PRRC2B: variants seen among roughly 807,000 people sequenced by gnomAD.
PRRC2B encodes protein PRRC2B.
PRRC2B carries 68 observed loss-of-function variants against 242.3 expected under a neutral mutation model. The observed-to-expected ratio is 0.28, with a 90% CI of 0.23 to 0.34. PRRC2B has a LOEUF of 0.34. Among genes scored for constraint, PRRC2B ranks in the 10% least tolerant of loss-of-function variants. The probability of loss-of-function intolerance (pLI) is 1.00; values close to 1 mark genes in which losing one functional copy is unlikely to be tolerated. For missense variants in PRRC2B, 2,835 were observed against 2,954.8 expected (o/e 0.96, Z 0.94); for synonymous variants, 1,228 against 1,173.6 (o/e 1.05, Z -0.95).
intron 1 of PRRC2B, among the ~76,000 whole-genome samples, chr9:131,375,205 A>G (rs1436871961): frequency 6.6e-6 from 1 of 152,170 alleles, no homozygotes; most frequent in African/African-American, 2.4e-5. Flanking sequence ...GTTGGAGATC[A>G]GCCTGACCAA....
chr9:131,374,828 A>AT (rs943092631), intron 1 of PRRC2B, among the ~76,000 whole-genome samples: 26 of 149,486 alleles, frequency 1.7e-4, no homozygotes, highest in African/African-American at 4.4e-4. Flanking sequence ...TGCCCAGCCG[A>AT]TTTTTTTTTT....
chr9:131,462,475 A>C (rs1943267881), intron 11 of PRRC2B, among the ~76,000 whole-genome samples: 1 of 151,654 alleles, frequency 6.6e-6, no homozygotes, highest in Admixed American at 6.6e-5. Flanking sequence ...GGCCTCCCAA[A>C]GTGCTAGGAT....
At position 131,475,623 on chromosome 9, in the gene PRRC2B, A is replaced by G; in HGVS notation, c.3494A>G (p.Glu1165Gly). 1 of 1,611,942 alleles carries G rather than the reference A, an allele frequency of 6.2e-7. No individual in the cohort carries two copies. The highest frequency in any genetic ancestry group is 8.5e-7 in the Non-Finnish European group (1 of 1,179,380). Residue 1165 changes from glutamate (E) to glycine (G), a missense_variant, in exon 16 of 32, where the codon GAG becomes GGG. Coordinates refer to ENST00000683519, the MANE Select transcript of PRRC2B (RefSeq NM_013318.4). ...NGNEGSLLER[E>G]ESTLKKGDCR... Reference sequence around the variant, plus strand: ...AATGAAGGCTCGCTCCTGGAGAGGGAGGAGAGCACCTTGAAGAAGGGCGAC... The same window carrying G: ...AATGAAGGCTCGCTCCTGGAGAGGGGGGAGAGCACCTTGAAGAAGGGCGAC...
intron 1 of PRRC2B, among the ~76,000 whole-genome samples, chr9:131,415,499 T>C (rs185559987): frequency 1.3e-4 from 20 of 152,312 alleles, no homozygotes; most frequent in African/African-American, 4.8e-4. Context: ...AACTGCTGGG[T>C]AGGCAGACAG....
At chr9:131,415,492 T>C in intron 1 of PRRC2B, among the ~76,000 whole-genome samples, 1 of 152,228 alleles carries the variant, frequency 6.6e-6, no homozygotes, top group East Asian at 1.9e-4. Context: ...GAGAATTAAC[T>C]GCTGGGTAGG....
intron 1 of PRRC2B, among the ~76,000 whole-genome samples, chr9:131,420,140 G>C (rs946262260): frequency 2.6e-5 from 4 of 152,062 alleles, no homozygotes; most frequent in African/African-American, 9.7e-5. Context: ...TCTCCTTGGG[G>C]TGCGTGGTCT....
In PRRC2B at chr9:131,432,781, C is replaced by T; in HGVS notation, c.280C>T (p.Gln94Ter). ...GTGWANKQDQQDPKSSSATAS... is the reference protein window; with the variant it reads ...GTGWANKQDQ Reference sequence around the variant, plus strand: ...GGGATGGGCAAACAAGCAGGATCAGCAAGACCCAAAGAGGTAAACGGAGGA... The same window carrying T: ...GGGATGGGCAAACAAGCAGGATCAGTAAGACCCAAAGAGGTAAACGGAGGA... Residue 94 changes from glutamine to a stop codon, truncating the protein, a stop_gained, in exon 3 of 32, where the codon CAA (glutamine) becomes TAA (stop). Transcript: ENST00000683519. LOFTEE classifies it high-confidence loss of function. 6.2e-7 allele frequency: 1 copy of T among 1,614,006 alleles called. No individual in the cohort carries two copies. Among genetic ancestry groups the T allele is most frequent in the Non-Finnish European group, 8.5e-7 (1 of 1,179,898 alleles).
In PRRC2B at chr9:131,478,464, C is replaced by G. The variant is rs1390163025; in HGVS notation, c.4613-10C>G. On this transcript the variant is annotated splice_polypyrimidine_tract_variant and intron_variant, in intron 17 of 31. Transcript: ENST00000683519. ...GAAAGACTGTTCCTTCTCGTGAAAT[C>G]TTGGTTCAGGTGCCATCATTGAAAA... is the stretch of plus-strand genomic sequence containing the variant. The G allele has an allele frequency of 1.2e-6, 2 of 1,612,732 alleles. No individual in the cohort carries two copies. Among genetic ancestry groups the G allele is most frequent in the Non-Finnish European group, 1.7e-6 (2 of 1,178,888 alleles).
chr9:131,412,177 C>T (rs1459686534), intron 1 of PRRC2B, among the ~76,000 whole-genome samples: 2 of 152,162 alleles, frequency 1.3e-5, no homozygotes, highest in African/African-American at 4.8e-5. Context: ...CCGTCTCTAT[C>T]TTGATGGGCT....
chr9:131,479,700 T>C (rs1943803143), intron 19 of PRRC2B, among the ~76,000 whole-genome samples: 1 of 152,210 alleles, frequency 6.6e-6, no homozygotes, highest in Non-Finnish European at 1.5e-5. Flanking sequence ...GGAATGGCCT[T>C]CTTTGTTGGT....
chr9:131,436,762 G>A, intron 4 of PRRC2B, 40 bp downstream of exon 4: 1 of 1,518,362 alleles, frequency 6.6e-7, no homozygotes, highest in South Asian at 1.1e-5. Context: ...TCCTGGGCAT[G>A]GTAGCCCCTA....
rs1387531040 is a variant in PRRC2B at position 131,476,455 on chromosome 9, G to A, written c.4326G>A (p.Glu1442=). The A allele has an allele frequency of 6.2e-7, 1 of 1,613,392 alleles. No homozygotes were observed. Among genetic ancestry groups the A allele is most frequent in the East Asian group, 2.2e-5 (1 of 44,872 alleles). Residue 1442 remains glutamate (E), a synonymous_variant, in exon 16 of 32, where the codon GAG becomes GAA. Coordinates refer to ENST00000683519, the MANE Select transcript of PRRC2B (RefSeq NM_013318.4). The stretch of plus-strand genomic sequence containing the variant: ...AGCTGGAGCCGGGAGGGTTTGGGGA[G>A]AAGCCCGTTAGGCCAGGTGGTGGTG... ...SRKLEPGGFG[E]KPVRPGGGDT...
At chr9:131,424,488 A>G (rs1289840164) in intron 1 of PRRC2B, among the ~76,000 whole-genome samples, 2 of 152,074 alleles carry the variant, frequency 1.3e-5, no homozygotes, top group East Asian at 3.9e-4. Context: ...GGAGTTTGAG[A>G]CAAGCCTGGC....
In PRRC2B at chr9:131,475,031, G is replaced by A. The variant is rs777343508; in HGVS notation, c.2902G>A (p.Glu968Lys). ...ELEKIKQELGEESTRLAKEKE... is the reference protein window; with the variant it reads ...ELEKIKQELGKESTRLAKEKE... ...TGAGAAGATTAAGCAGGAGCTAGGGGAGGAGAGTACCCGGCTGGCCAAGGA... is the reference window on the plus strand; with the variant it reads ...TGAGAAGATTAAGCAGGAGCTAGGGAAGGAGAGTACCCGGCTGGCCAAGGA... The change falls in exon 16 of 32, where the codon GAG (glutamate) becomes AAG (lysine). Residue 968 changes from glutamate to lysine, a missense_variant. Glu to Lys is a moderately conservative substitution (Grantham distance 56). Coordinates refer to ENST00000683519, the MANE Select transcript of PRRC2B (RefSeq NM_013318.4). 16 of 1,608,558 alleles carry A rather than the reference G, an allele frequency of 9.9e-6. No individual in the cohort carries two copies. The highest frequency in any genetic ancestry group is 1.3e-5 in the African/African-American group (1 of 74,866).
At chr9:131,457,941 C>G (rs1466073122) in intron 10 of PRRC2B, among the ~76,000 whole-genome samples, 4 of 152,180 alleles carry the variant, frequency 2.6e-5, no homozygotes, top group Non-Finnish European at 5.9e-5. Flanking sequence ...GGTAGACACA[C>G]AGGCCCACAC....
intron 1 of PRRC2B, among the ~76,000 whole-genome samples, chr9:131,415,475 A>C (rs1837623389): frequency 6.6e-6 from 1 of 152,294 alleles, no homozygotes; most frequent in South Asian, 2.1e-4. Context: ...ATCAGGAAGG[A>C]GGAAGGGAGA....
At chr9:131,410,567 AT>A (rs1837482685) in intron 1 of PRRC2B, among the ~76,000 whole-genome samples, 1 of 152,116 alleles carries the variant, frequency 6.6e-6, no homozygotes, top group Non-Finnish European at 1.5e-5. Flanking sequence ...TCAGGTTCAG[AT>A]TTTTTAGACT....
intron 1 of PRRC2B, among the ~76,000 whole-genome samples, chr9:131,380,818 C>T (rs1445122856): frequency 7.2e-6 from 1 of 139,714 alleles, no homozygotes; most frequent in Non-Finnish European, 1.5e-5. Flanking sequence ...GCAGAAGTTG[C>T]AGTGAGCTGA....
At chr9:131,410,823 A>C (rs1837489155) in intron 1 of PRRC2B, among the ~76,000 whole-genome samples, 1 of 151,944 alleles carries the variant, frequency 6.6e-6, no homozygotes, top group Admixed American at 6.6e-5. Context: ...AGCTCTCTTT[A>C]GGCTTTTTCT....
Sources: gnomAD v4.1 joint callset for allele counts (sites outside exome capture counted in the v4.1 genomes callset) on GRCh38, gnomAD v4.1.1 for gene constraint, MANE v1.5 for transcripts, NCBI Gene and HGNC (gene_info 2026-07-23, HGNC 2026-07-21) for gene names.